Variants in DUOX2 observed in about 807,000 individuals in gnomAD.
DUOX2 encodes NADH/NADPH thyroid oxidase p138-tox.
In DUOX2, 185 loss-of-function variants were observed where a neutral mutation model predicts 183.3. That is an observed-to-expected ratio of 1.01 (90% CI 0.90 to 1.14). The LOEUF (loss-of-function observed/expected upper bound fraction) is 1.14, where lower values mean the gene tolerates loss of function less well. Among genes scored for constraint, DUOX2 ranks in the 50% most tolerant of loss-of-function variants. DUOX2 has a pLI of 0.00. For synonymous variants in DUOX2, 788 were observed against 812.4 expected (o/e 0.97, Z 0.51); for missense variants, 1,999 against 2,022.9 (o/e 0.99, Z 0.23).
At chr15:45,096,225 T>C (rs1308423654) in intron 29 of DUOX2, among the ~76,000 whole-genome samples, 165 bp from the exon 30 acceptor site, 1 of 152,064 alleles carries the variant, frequency 6.6e-6, no homozygotes, top group East Asian at 1.9e-4. Flanking sequence ...CCCTTCTCTG[T>C]TTCCCAGGTA....
Position 45,095,464 on chromosome 15 carries a change from G to T in DUOX2, c.4212C>A (p.Ser1404=). ...TCTTACACAGCATTTGGCTGCCCAA[G>T]GATGACTTGAAGACCAGGTCTTTGA... is the stretch of plus-strand genomic sequence containing the variant. ...SILKDLVFKS[S]LGSQMLCKKI... The change falls in exon 31 of 34, where the codon TCC becomes TCA. Residue 1404 remains serine (S), a synonymous_variant. Coordinates refer to ENST00000389039, the MANE Select transcript of DUOX2 (RefSeq NM_001363711.2). 6.2e-7 allele frequency: 1 copy of T among 1,614,222 alleles called. No homozygotes were observed. The highest frequency in any genetic ancestry group is 1.6e-4 in the Middle Eastern group (1 of 6,062).
At chr15:45,113,449 TAGG>T in intron 1 of DUOX2, 24 bp from the exon 2 acceptor site, 1 of 1,546,448 alleles carries the variant, frequency 6.5e-7, no homozygotes, top group Non-Finnish European at 8.7e-7. Flanking sequence ...GTGGGGGTGG[TAGG>T]TGGTATGCGA....
intron 5 of DUOX2, 30 bp from the exon 6 acceptor site, chr15:45,111,615 T>A: frequency 6.6e-7 from 1 of 1,506,404 alleles, no homozygotes; most frequent in Non-Finnish European, 8.8e-7. Flanking sequence ...TGAGCCCGGG[T>A]CGAGAGGCGG....
Position 45,112,712 on chromosome 15 carries a change from C to T in DUOX2, c.167G>A (p.Arg56Gln), listed in dbSNP as rs1300558168. Residue 56 changes from arginine (R) to glutamine (Q), a missense_variant, in exon 4 of 34, where the codon CGG (arginine) becomes CAG (glutamine). Physicochemically the swap from Arg to Gln is conservative, Grantham distance 43. Around this residue, in one of 3 missense-constraint regions of DUOX2, gnomAD observed 356 missense variants for 356.4 expected, o/e 1.00. Coordinates refer to ENST00000389039, the MANE Select transcript of DUOX2 (RefSeq NM_001363711.2). The stretch of plus-strand genomic sequence containing the variant: ...ATTGGCTGGTACGCGGCGCTGCAAC[C>T]GGCAGCCTGCGGAGGCAGGGAGCGG... Reference protein sequence around the residue: ...RHHERGAVGCRLQRRVPANYA... With the variant: ...RHHERGAVGCQLQRRVPANYA... The T allele has an allele frequency of 1.2e-6, 2 of 1,611,562 alleles. No individual in the cohort carries two copies. The highest frequency in any genetic ancestry group is 2.2e-5 in the South Asian group (2 of 91,086).
intron 17 of DUOX2, 140 bp from the exon 18 acceptor site, chr15:45,105,968 AG>A (rs1241190327): frequency 7.3e-7 from 1 of 1,377,496 alleles, no homozygotes; most frequent in Non-Finnish European, 1.0e-6. Flanking sequence ...GTGTGGACGA[AG>A]GGGGTCAGGT....
chr15:45,110,120 G>A (rs867363369), intron 9 of DUOX2, 140 bp from the exon 10 acceptor site: 12 of 830,176 alleles, frequency 1.4e-5, no homozygotes, highest in African/African-American at 1.3e-4. Context: ...CAGAGATTTG[G>A]TGATGTGCGT....
rs781264543 is a variant in DUOX2 at position 45,101,884 on chromosome 15, T to C, written c.2760A>G (p.Thr920=). 4 of 1,614,176 alleles carry C rather than the reference T, an allele frequency of 2.5e-6. No homozygotes were observed. The highest frequency in any genetic ancestry group is 2.2e-5 in the East Asian group (1 of 44,878). ...GCAGCATGAAGTGAAAATCCTCCCA[T>C]GTCAGCTCCTCCTTGTCCTGGAATC... The part of the protein sequence containing the change: ...ESGFQDKEEL[T]WEDFHFMLRD... Residue 920 remains threonine, a synonymous_variant, in exon 21 of 34, where the codon ACA becomes ACG. Coordinates refer to ENST00000389039, the MANE Select transcript of DUOX2 (RefSeq NM_001363711.2).
Position 45,094,624 on chromosome 15 carries a change from G to A in DUOX2, c.4463C>T (p.Thr1488Ile), listed in dbSNP as rs772727433. The change falls in exon 33 of 34, where the codon ACC becomes ATC. Residue 1488 changes from threonine to isoleucine, a missense_variant. Physicochemically the swap from Thr to Ile is moderately conservative, Grantham distance 89 (BLOSUM62 -1). Transcript: ENST00000389039. ...RSLFTGLRSITHFGRPPFEPF... is the reference protein window; with the variant it reads ...RSLFTGLRSIIHFGRPPFEPF... ...CTCGAAGGGGGGACGGCCAAAGTGG[G>A]TGATGGAGCGCAGGCCCGTGAACAG... is the stretch of plus-strand genomic sequence containing the variant. 3 of 1,614,014 alleles carry A rather than the reference G, an allele frequency of 1.9e-6. No homozygotes were observed. The highest frequency in any genetic ancestry group is 3.3e-5 in the Admixed American group (2 of 59,992).
At chr15:45,097,921 G>A in intron 27 of DUOX2, 88 bp downstream of exon 27, 1 of 1,532,306 alleles carries the variant, frequency 6.5e-7, no homozygotes, top group Non-Finnish European at 9.0e-7. Context: ...CAGACCCCAT[G>A]GCCAGTATAG....
Position 45,094,002 on chromosome 15 carries a change from A to G in DUOX2, c.*148T>C, listed in dbSNP as rs920427613. 1 of 1,017,878 alleles carries G rather than the reference A, an allele frequency of 9.8e-7. No individual in the cohort carries two copies. The highest frequency in any genetic ancestry group is 1.9e-5 in the Admixed American group (1 of 52,134). The allele number at this position is 1,017,878 out of a possible 1,614,324, so 63.1% of individuals were successfully genotyped here. On this transcript the variant is annotated 3_prime_UTR_variant, in exon 34 of 34. Transcript: ENST00000389039. ...CTCATTTGTATAATTGTCTGGGTCA[A>G]TATTCTCCCAATATTGGGAGGGGCT... is the stretch of plus-strand genomic sequence containing the variant.
intron 5 of DUOX2, 48 bp downstream of exon 5, chr15:45,111,720 C>T: frequency 6.7e-7 from 1 of 1,492,016 alleles, no homozygotes; most frequent in Non-Finnish European, 8.9e-7. Flanking sequence ...AAGCCCAGGC[C>T]CCACCTGGCT....
At position 45,094,066 on chromosome 15, in the gene DUOX2, GGA is replaced by G; in HGVS notation, c.*82_*83del. The G allele has an allele frequency of 6.3e-7, 1 of 1,597,378 alleles. No individual in the cohort carries two copies. The highest frequency in any genetic ancestry group is 1.7e-4 in the Middle Eastern group (1 of 6,034). ...GCTGAGGCCTAAGGTGGATTCTGAT[GGA>G]GAGATTGCCAGCAGGGCTGGGCAAC... On this transcript the variant is annotated 3_prime_UTR_variant, in exon 34 of 34. Transcript: ENST00000389039.
At chr15:45,106,790 AG>A (rs1894227869) in intron 15 of DUOX2, 41 bp downstream of exon 15, 1 of 1,598,794 alleles carries the variant, frequency 6.3e-7, no homozygotes, top group African/African-American at 1.3e-5. Flanking sequence ...GCAGGAAATG[AG>A]GGGCAGGGCC....
In DUOX2 at chr15:45,093,941, T is replaced by G; in HGVS notation, c.*209A>C. On this transcript the variant is annotated 3_prime_UTR_variant, in exon 34 of 34. Coordinates refer to ENST00000389039, the MANE Select transcript of DUOX2 (RefSeq NM_001363711.2). Reference sequence around the variant, plus strand: ...TAAACAGGTGGACTTATAATCATCATGCACTGCAATTGTAGAACATAGTCT... The same window carrying G: ...TAAACAGGTGGACTTATAATCATCAGGCACTGCAATTGTAGAACATAGTCT... 1.6e-6 allele frequency: 1 copy of G among 635,928 alleles called. No homozygotes were observed. 39.4% of individuals were successfully genotyped at this position (635,928 alleles called of 1,614,324 possible).
rs868481095 is a variant in DUOX2, at chr15:45,113,398, C to A, written c.14G>T (p.Arg5Ile). The A allele has an allele frequency of 1.3e-6, 2 of 1,564,410 alleles. No individual in the cohort carries two copies. Among genetic ancestry groups the A allele is most frequent in the Non-Finnish European group, 1.7e-6 (2 of 1,153,320 alleles). The change falls in exon 2 of 34, where the codon AGA becomes ATA. Residue 5 changes from arginine to isoleucine, a missense_variant. Physicochemically the swap from Arg to Ile is moderately conservative, Grantham distance 97. Transcript: ENST00000389039. MLRA[R>I]PEALMLLGAL... ...TCCCAGGAGCATCAGTGCCTCTGGT[C>A]TTGCACGGAGCATGCCAACCCTGCA... is the stretch of plus-strand genomic sequence containing the variant.
In DUOX2 at chr15:45,105,731, A is replaced by T; in HGVS notation, c.2246T>A (p.Met749Lys). The change falls in exon 18 of 34, where the codon ATG becomes AAG. Residue 749 changes from methionine to lysine, a missense_variant. Coordinates refer to ENST00000389039, the MANE Select transcript of DUOX2 (RefSeq NM_001363711.2). The stretch of plus-strand genomic sequence containing the variant: ...CTTCCTAAATAGCTCCTTCTCGCTC[A>T]TCTCAGCCACATGGAGGCCCAGAGC... The part of the protein sequence containing the change: ...RWALGLHVAE[M>K]SEKELFRKAV... 6.2e-7 allele frequency: 1 copy of T among 1,614,206 alleles called. No individual in the cohort carries two copies. Among genetic ancestry groups the T allele is most frequent in the Non-Finnish European group, 8.5e-7 (1 of 1,180,028 alleles).
chr15:45,096,589 G>A (rs1893906713), intron 29 of DUOX2, among the ~76,000 whole-genome samples: 1 of 152,188 alleles, frequency 6.6e-6, no homozygotes, highest in South Asian at 2.1e-4. Context: ...GCTGGATACT[G>A]TTTGTACCAT....
chr15:45,113,781 C>A (rs1201635995), intron 1 of DUOX2, among the ~76,000 whole-genome samples, 192 bp downstream of exon 1: 1 of 152,136 alleles, frequency 6.6e-6, no homozygotes, highest in African/African-American at 2.4e-5. Flanking sequence ...TCACCTCCAC[C>A]CGCCCCCGAT....
rs376983373 is a variant in DUOX2 at position 45,101,979 on chromosome 15, C to A, written c.2665G>T (p.Glu889Ter). ...TTGGACAGGCAGTTGTTGGAGATCT[C>A]GATGAAGGATCTGGAGGAGGACCAG... Reference protein sequence around the residue: ...EFFTMMRSFIEISNNCLSKAQ... With the variant: ...EFFTMMRSFI Residue 889 changes from glutamate to a stop codon, truncating the protein, a stop_gained, in exon 21 of 34, where the codon GAG (glutamate) becomes TAG (stop). Coordinates refer to ENST00000389039, the MANE Select transcript of DUOX2 (RefSeq NM_001363711.2). LOFTEE classifies it high-confidence loss of function. 2.8e-5 allele frequency: 45 copies of A among 1,614,052 alleles called. No individual in the cohort carries two copies. In the African/African-American group the frequency reaches 5.9e-4, roughly 21 times the overall value.
Sources: gnomAD v4.1 joint callset for allele counts (sites outside exome capture counted in the v4.1 genomes callset) on GRCh38, gnomAD v4.1.1 for gene constraint, gnomAD v4.1.1 regional missense constraint, MANE v1.5 for transcripts, NCBI Gene and HGNC (gene_info 2026-07-23, HGNC 2026-07-21) for gene names.